The following SCAI variants were observed in gnomAD, a reference collection of about 807,000 sequenced individuals.
The protein encoded by SCAI is suppressor of cancer cell invasion, also known as protein SCAI.
Under a neutral mutation model 92.2 loss-of-function variants are expected in SCAI, and 24 were observed. The observed-to-expected ratio is 0.26, with a 90% confidence interval of 0.19 to 0.37. The LOEUF (loss-of-function observed/expected upper bound fraction) is 0.37, where lower values mean the gene tolerates loss of function less well. Ranked by LOEUF, SCAI falls within the 10% of genes least tolerant of loss-of-function variation. The pLI is 1.00. For missense variants in SCAI, 450 were observed against 736.2 expected (o/e 0.61, Z 4.50); for synonymous variants, 261 against 258.6 (o/e 1.01, Z -0.09).
At chr9:125,136,397 A>ATATCATTTGATATTCAGAATTTC (rs1835528478) in intron 2 of SCAI, among the ~76,000 whole-genome samples, 1 of 150,596 alleles carries the variant, frequency 6.6e-6, no homozygotes, top group African/African-American at 2.4e-5. Context: ...CCAGGAATTT[A>ATATCATTTGATATTCAGAATTTC]TATCATTTGA....
intron 2 of SCAI, among the ~76,000 whole-genome samples, chr9:125,101,327 G>A (rs1220491012): frequency 1.3e-5 from 2 of 152,316 alleles, no homozygotes; most frequent in East Asian, 3.9e-4. Flanking sequence ...GAAGCCAGTT[G>A]TAAGACTGCT....
chr9:125,046,428 A>G (rs933838061), intron 3 of SCAI, among the ~76,000 whole-genome samples: 3 of 144,772 alleles, frequency 2.1e-5, no homozygotes, highest in African/African-American at 7.6e-5. Context: ...ATTGGAGACC[A>G]TTATTCTAAG....
At chr9:125,019,359 CTAA>C (rs1424742732) in intron 7 of SCAI, among the ~76,000 whole-genome samples, 154 bp from the exon 8 acceptor site, 2 of 152,050 alleles carry the variant, frequency 1.3e-5, no homozygotes, top group African/African-American at 4.8e-5. Context: ...AAGATGAAAA[CTAA>C]TAAATTTTCT....
chr9:125,055,131 G>T (rs986242613), intron 3 of SCAI, among the ~76,000 whole-genome samples: 2 of 152,014 alleles, frequency 1.3e-5, no homozygotes, highest in African/African-American at 4.8e-5. Context: ...AAGATAAAAA[G>T]ATTTCATTTT....
At chr9:125,014,378 AC>A (rs1420812353) in intron 9 of SCAI, among the ~76,000 whole-genome samples, 1 of 152,216 alleles carries the variant, frequency 6.6e-6, no homozygotes, top group African/African-American at 2.4e-5. Context: ...GCATTCTTAT[AC>A]ACCAATAACA....
chr9:125,121,244 C>G (rs889148505), intron 2 of SCAI, among the ~76,000 whole-genome samples: 12 of 149,566 alleles, frequency 8.0e-5, no homozygotes, highest in Non-Finnish European at 1.5e-4. Context: ...CACCTGCATC[C>G]TGTTTCAGTT....
Position 125,143,460 on chromosome 9 carries a change from AGCT to A in SCAI, c.-26_-24del. 1 of 1,339,092 alleles carries A rather than the reference AGCT, an allele frequency of 7.5e-7. No individual in the cohort carries two copies. Among genetic ancestry groups the A allele is most frequent in the Non-Finnish European group, 9.6e-7 (1 of 1,043,824 alleles). The allele number at this position is 1,339,092 out of a possible 1,614,324, so 83.0% of individuals were successfully genotyped here. ...CATCCGGCTCCTGCTCCGCCGCGGGAGCTGCTCCGGCGGCCGCAGGGCTCGCTC... is the reference window on the plus strand; with the variant it reads ...CATCCGGCTCCTGCTCCGCCGCGGGAGCTCCGGCGGCCGCAGGGCTCGCTC... On this transcript the variant is annotated 5_prime_UTR_variant, in exon 1 of 18. Coordinates refer to ENST00000336505, the MANE Select transcript of SCAI (RefSeq NM_001144877.3).
chr9:124,997,834 C>G (rs1292404676), intron 13 of SCAI, among the ~76,000 whole-genome samples: 1 of 148,762 alleles, frequency 6.7e-6, no homozygotes, highest in South Asian at 2.1e-4. Flanking sequence ...CAAGATAGTG[C>G]CACTGCACTC....
At chr9:125,141,816 T>A (rs1835672966) in intron 2 of SCAI, among the ~76,000 whole-genome samples, 1 of 152,230 alleles carries the variant, frequency 6.6e-6, no homozygotes, top group South Asian at 2.1e-4. Flanking sequence ...TTCCCTCTTC[T>A]GTAAAATAGT....
chr9:125,050,928 C>A (rs1318551291), intron 3 of SCAI, among the ~76,000 whole-genome samples: 2 of 152,108 alleles, frequency 1.3e-5, no homozygotes, highest in Non-Finnish European at 2.9e-5. Context: ...ACTGGACAAC[C>A]ACATCTCTCT....
At chr9:125,039,243 TA>T (rs1476772629) in intron 3 of SCAI, among the ~76,000 whole-genome samples, 4 of 151,928 alleles carry the variant, frequency 2.6e-5, no homozygotes, top group Non-Finnish European at 5.9e-5. Flanking sequence ...AAGAATTAGC[TA>T]GGCGTGGTGG....
chr9:125,003,685 C>T (rs1458367709), intron 9 of SCAI, 115 bp from the exon 10 acceptor site: 16 of 660,168 alleles, frequency 2.4e-5, no homozygotes, highest in African/African-American at 9.1e-5. Context: ...CTTTGGGTAC[C>T]TTTTTCTCTA....
chr9:125,037,578 C>A (rs1163571685), intron 3 of SCAI, among the ~76,000 whole-genome samples: 2 of 152,118 alleles, frequency 1.3e-5, no homozygotes, highest in Non-Finnish European at 2.9e-5. Flanking sequence ...ATTTCTGTTT[C>A]ATTGGCTGTC....
At chr9:125,138,607 G>A (rs1835596387) in intron 2 of SCAI, among the ~76,000 whole-genome samples, 1 of 152,044 alleles carries the variant, frequency 6.6e-6, no homozygotes, top group Admixed American at 6.6e-5. Context: ...GTAGAGACGT[G>A]GTTTCACTGT....
At position 124,971,392 on chromosome 9, in the gene SCAI, A is replaced by C; in HGVS notation, c.1652T>G (p.Met551Arg). The change falls in exon 17 of 18, where the codon ATG becomes AGG. Residue 551 changes from methionine to arginine, a missense_variant. This residue lies in a region of SCAI where 360 missense variants were observed against 601.8 expected (regional missense o/e 0.60). Transcript: ENST00000336505. Reference sequence around the variant, plus strand: ...TACCCGAAAAATCTTGTGCATCCTCATGGTGGCTGAACAAAAGATAAATCT... The same window carrying C: ...TACCCGAAAAATCTTGTGCATCCTCCTGGTGGCTGAACAAAAGATAAATCT... ...LTRFIFCSAT[M>R]RMHKIFRETR... 1 of 1,611,292 alleles carries C rather than the reference A, an allele frequency of 6.2e-7. No homozygotes were observed. Among genetic ancestry groups the C allele is most frequent in the Non-Finnish European group, 8.5e-7 (1 of 1,178,998 alleles).
chr9:125,085,986 C>T (rs533752119), intron 2 of SCAI, among the ~76,000 whole-genome samples: 3 of 152,292 alleles, frequency 2.0e-5, no homozygotes, highest in Non-Finnish European at 2.9e-5. Flanking sequence ...CCTTAGCAAA[C>T]ATAAGTAGAC....
intron 14 of SCAI, among the ~76,000 whole-genome samples, chr9:124,993,771 C>T (rs1832182536): frequency 6.6e-6 from 1 of 152,172 alleles, no homozygotes; most frequent in South Asian, 2.1e-4. Flanking sequence ...TTGGGGTCAG[C>T]TCTCTTGGCT....
chr9:125,123,409 T>C (rs765603956), intron 2 of SCAI, among the ~76,000 whole-genome samples: 1 of 152,032 alleles, frequency 6.6e-6, no homozygotes, highest in Non-Finnish European at 1.5e-5. Context: ...AAAATCTTTA[T>C]TTTTGGCAGT....
At chr9:124,993,155 T>C (rs1207417369) in intron 14 of SCAI, among the ~76,000 whole-genome samples, 1 of 152,268 alleles carries the variant, frequency 6.6e-6, no homozygotes, top group East Asian at 1.9e-4. Context: ...AGTACTTCTT[T>C]TGAATTCTGT....
Sources: gnomAD v4.1 joint callset for allele counts (sites outside exome capture counted in the v4.1 genomes callset) on GRCh38, gnomAD v4.1.1 for gene constraint, gnomAD v4.1.1 regional missense constraint, MANE v1.5 for transcripts, NCBI Gene and HGNC (gene_info 2026-07-23, HGNC 2026-07-21) for gene names.